The following FAM135B variants were observed in gnomAD, a reference collection of about 807,000 sequenced individuals.
FAM135B encodes family with sequence similarity 135 member B, also known as protein FAM135B.
Under a neutral mutation model 127.7 loss-of-function variants are expected in FAM135B, and 43 were observed. The ratio of observed to expected loss-of-function variants is 0.34; its 90% confidence interval spans 0.26 to 0.43. The LOEUF is 0.43. FAM135B is among the 20% of genes least tolerant of loss of function. The pLI is 1.00. For missense variants in FAM135B, 1,558 were observed against 1,725.6 expected (o/e 0.90, Z 1.72); for synonymous variants, 670 against 665.1 (o/e 1.01, Z -0.11).
chr8:138,269,031 G>A (rs1823166758), intron 3 of FAM135B, among the ~76,000 whole-genome samples: 1 of 152,186 alleles, frequency 6.6e-6, no homozygotes, highest in Non-Finnish European at 1.5e-5. Context: ...GAATACAGCA[G>A]AGGAGGTAAG....
At chr8:138,407,440 A>G (rs200587997) in intron 1 of FAM135B, among the ~76,000 whole-genome samples, 4 of 152,300 alleles carry the variant, frequency 2.6e-5, no homozygotes, top group Middle Eastern at 3.4e-3. Context: ...AAAAGAGCCC[A>G]CATCGCCAAG....
intron 2 of FAM135B, among the ~76,000 whole-genome samples, chr8:138,322,365 G>A (rs1276119345): frequency 6.6e-6 from 1 of 152,140 alleles, no homozygotes; most frequent in East Asian, 1.9e-4. Flanking sequence ...GGCTAGGGGA[G>A]GAGACCCTCT....
At chr8:138,368,762 T>A (rs184872608) in intron 1 of FAM135B, among the ~76,000 whole-genome samples, 1 of 152,096 alleles carries the variant, frequency 6.6e-6, no homozygotes, top group Admixed American at 6.5e-5. Context: ...GAAAAAAACA[T>A]TAAAACAGTC....
intron 1 of FAM135B, among the ~76,000 whole-genome samples, chr8:138,444,927 G>C (rs1444895497): frequency 1.3e-5 from 2 of 152,226 alleles, no homozygotes; most frequent in African/African-American, 4.8e-5. Flanking sequence ...AAGAAGAAAA[G>C]AGAGAAGAAT....
At position 138,166,095 on chromosome 8, in the gene FAM135B, C is replaced by G. The variant is rs940586750; in HGVS notation, c.1258+1800G>C. Among the ~76,000 whole-genome samples, 2 of 152,188 alleles carry G rather than the reference C, an allele frequency of 1.3e-5. 1 individual carries two copies. Among genetic ancestry groups the G allele is most frequent in the South Asian group, 4.1e-4 (2 of 4,828 alleles). On this transcript the variant is annotated intron_variant, in intron 12 of 19. Coordinates refer to ENST00000395297, the MANE Select transcript of FAM135B (RefSeq NM_015912.4). ...TGGAATCAGAGTTGGCGTTGAACGT[C>G]GGCTTTAATAAGCCTTGTGATCTTT...
At chr8:138,322,743 A>C (rs1335017556) in intron 2 of FAM135B, among the ~76,000 whole-genome samples, 1 of 152,112 alleles carries the variant, frequency 6.6e-6, no homozygotes, top group Non-Finnish European at 1.5e-5. Context: ...ACCTCACCTA[A>C]TGAGCTGTCA....
intron 1 of FAM135B, among the ~76,000 whole-genome samples, chr8:138,420,510 C>T (rs1834430110): frequency 6.6e-6 from 1 of 151,882 alleles, no homozygotes; most frequent in South Asian, 2.1e-4. Flanking sequence ...ATGAGGCCAG[C>T]ATCATTCTAT....
chr8:138,266,690 T>C (rs1277711953), intron 3 of FAM135B, among the ~76,000 whole-genome samples: 1 of 149,982 alleles, frequency 6.7e-6, no homozygotes, highest in Non-Finnish European at 1.5e-5. Flanking sequence ...CTGCCCAGGG[T>C]TATTGTGGGG....
chr8:138,466,618 T>C lies in FAM135B; in HGVS notation c.-20+30053A>G, dbSNP rs149073245. Reference sequence around the variant, plus strand: ...AAATTCATGACTGAACAACCGAATTTAAATAAGAATGACGTTGTGTCTTAC... The same window carrying C: ...AAATTCATGACTGAACAACCGAATTCAAATAAGAATGACGTTGTGTCTTAC... On this transcript the variant is annotated intron_variant, in intron 1 of 19. Transcript: ENST00000395297. Among the ~76,000 whole-genome samples the C allele has an allele frequency of 2.0e-3, 303 of 152,284 alleles. 2 individuals carry two copies. Among genetic ancestry groups the C allele is most frequent in the African/African-American group, 7.1e-3 (294 of 41,560 alleles).
chr8:138,264,548 C>T (rs575957851), intron 4 of FAM135B, among the ~76,000 whole-genome samples: 6 of 152,174 alleles, frequency 3.9e-5, no homozygotes, highest in African/African-American at 9.6e-5. Flanking sequence ...TATGCATGAT[C>T]GATTTATTTA....
chr8:138,256,894 T>C, intron 4 of FAM135B, 135 bp from the exon 5 acceptor site: 1 of 693,586 alleles, frequency 1.4e-6, no homozygotes, highest in Non-Finnish European at 2.6e-6. Context: ...GAAAGCAGAA[T>C]TTCCATGCAT....
chr8:138,155,945 C>T (rs1228038289), intron 12 of FAM135B, among the ~76,000 whole-genome samples: 13 of 152,136 alleles, frequency 8.5e-5, no homozygotes, highest in African/African-American at 2.9e-4. Context: ...ACCAAGCAGA[C>T]CTAATAGACA....
At chr8:138,421,318 A>AT (rs373881141) in intron 1 of FAM135B, among the ~76,000 whole-genome samples, 291 of 152,270 alleles carry the variant, frequency 1.9e-3, no homozygotes, top group Middle Eastern at 6.8e-3. Flanking sequence ...GTCAAAAAAA[A>AT]ATATATATCT....
At chr8:138,249,147 A>G (rs1178564646) in intron 6 of FAM135B, among the ~76,000 whole-genome samples, 3 of 152,202 alleles carry the variant, frequency 2.0e-5, no homozygotes, top group African/African-American at 7.2e-5. Context: ...CGCAGAGGGC[A>G]GACAGATCAT....
At chr8:138,338,325 C>T (rs995223189) in intron 2 of FAM135B, among the ~76,000 whole-genome samples, 1 of 151,530 alleles carries the variant, frequency 6.6e-6, no homozygotes. Context: ...AACAGGCAAC[C>T]TACAAAATGG....
At chr8:138,293,591 G>C (rs1250353503) in intron 3 of FAM135B, among the ~76,000 whole-genome samples, 1 of 152,010 alleles carries the variant, frequency 6.6e-6, no homozygotes, top group South Asian at 2.1e-4. Flanking sequence ...CAAATGACAC[G>C]AATAGACATT....
At chr8:138,309,657 G>A (rs533997384) in intron 3 of FAM135B, among the ~76,000 whole-genome samples, 1 of 152,244 alleles carries the variant, frequency 6.6e-6, no homozygotes, top group African/African-American at 2.4e-5. Flanking sequence ...TCAATTGCAT[G>A]TGATTCCTCT....
intron 2 of FAM135B, among the ~76,000 whole-genome samples, chr8:138,354,134 C>T (rs1829943209): frequency 6.6e-6 from 1 of 152,058 alleles, no homozygotes; most frequent in Non-Finnish European, 1.5e-5. Context: ...AGCTGTCATC[C>T]TCTTTGATTC....
intron 1 of FAM135B, chr8:138,441,871 T>C (rs1587462332): frequency 6.6e-6 from 1 of 151,750 alleles, no homozygotes; most frequent in African/African-American, 2.4e-5. Context: ...TGACAGAGAA[T>C]ATGCTGTGTG....
Sources: gnomAD v4.1 joint callset for allele counts (sites outside exome capture counted in the v4.1 genomes callset) on GRCh38, gnomAD v4.1.1 for gene constraint, MANE v1.5 for transcripts, NCBI Gene and HGNC (gene_info 2026-07-23, HGNC 2026-07-21) for gene names.